Variants in MAPK10 observed in about 807,000 individuals in gnomAD.
The protein encoded by MAPK10 is mitogen-activated protein kinase 10, also known as JNK3 alpha protein kinase.
In MAPK10, 25 loss-of-function variants were observed where a neutral mutation model predicts 59.3. That is an observed-to-expected ratio of 0.42 (90% CI 0.31 to 0.59). The LOEUF is 0.59. Ranked by LOEUF, MAPK10 falls within the 20% of genes least tolerant of loss-of-function variation. MAPK10 has a pLI of 0.15. For missense variants in MAPK10, 351 were observed against 568.9 expected, an observed-to-expected ratio of 0.62 and a Z score of 3.90; for synonymous variants, 190 against 200.5, an observed-to-expected ratio of 0.95 and a Z score of 0.44.
chr4:86,332,289 C>A (rs1362214774), intron 2 of MAPK10, among the ~76,000 whole-genome samples: 1 of 152,068 alleles, frequency 6.6e-6, no homozygotes, highest in Non-Finnish European at 1.5e-5. Context: ...TGAAACTTTA[C>A]ATTTAAATGC....
intron 1 of MAPK10, among the ~76,000 whole-genome samples, chr4:86,536,459 A>G (rs1209302305): frequency 6.6e-6 from 1 of 152,254 alleles, no homozygotes; most frequent in Non-Finnish European, 1.5e-5. Context: ...CTAAGGCTTC[A>G]CTTTTTAATG....
At chr4:86,432,965 G>T (rs1451204806) in intron 1 of MAPK10, among the ~76,000 whole-genome samples, 1 of 152,152 alleles carries the variant, frequency 6.6e-6, no homozygotes, top group African/African-American at 2.4e-5. Flanking sequence ...GTGGGAGGGA[G>T]GAAGTAGAAC....
At chr4:86,411,285 G>A (rs1228622380) in intron 1 of MAPK10, among the ~76,000 whole-genome samples, 1 of 152,252 alleles carries the variant, frequency 6.6e-6, no homozygotes, top group South Asian at 2.1e-4. Context: ...TGTGATTTCT[G>A]TTCTTTTGCA....
intron 1 of MAPK10, among the ~76,000 whole-genome samples, chr4:86,477,498 C>CT (rs2149068960): frequency 6.6e-6 from 1 of 152,220 alleles, no homozygotes; most frequent in Non-Finnish European, 1.5e-5. Context: ...GATACCTCTA[C>CT]TCTCTCCTTG....
chr4:86,570,841 C>T (rs1761393471), intron 1 of MAPK10, among the ~76,000 whole-genome samples: 1 of 152,056 alleles, frequency 6.6e-6, no homozygotes, highest in African/African-American at 2.4e-5. Context: ...AGAGGAGTCA[C>T]CAAGAGGTTG....
chr4:86,248,110 G>A (rs755503198), intron 2 of MAPK10, among the ~76,000 whole-genome samples: 8 of 152,114 alleles, frequency 5.3e-5, no homozygotes, highest in Non-Finnish European at 8.8e-5. Flanking sequence ...AGCAAAAAGC[G>A]CAAAGAAGTA....
At chr4:86,279,916 T>G (rs2094732546) in intron 2 of MAPK10, among the ~76,000 whole-genome samples, 1 of 152,182 alleles carries the variant, frequency 6.6e-6, no homozygotes, top group Non-Finnish European at 1.5e-5. Context: ...AGCCATCATA[T>G]GCTCTTCCAA....
rs1043200794 is a variant in MAPK10 at position 86,107,028 on chromosome 4, G to A, written c.366+195C>T. ...AAATTCATCACTTCCACATCATATG[G>A]TTTTTAGGTGATTTTTAAGCAGAAA... On this transcript the variant is annotated intron_variant, in intron 5 of 13. Coordinates refer to ENST00000641462, the MANE Select transcript of MAPK10 (RefSeq NM_138982.4). The A allele has an allele frequency of 6.3e-5, 26 of 414,142 alleles. 1 individual carries two copies. In the East Asian group the frequency reaches 1.0e-3, roughly 17 times the overall value. 25.7% of individuals were successfully genotyped at this position (414,142 alleles called of 1,614,324 possible). A position where few individuals can be genotyped will look rare whatever the true frequency, so the allele number is the denominator to read the frequency against.
intron 13 of MAPK10, among the ~76,000 whole-genome samples, chr4:86,022,806 G>C (rs1040527378): frequency 6.6e-6 from 1 of 152,176 alleles, no homozygotes; most frequent in Non-Finnish European, 1.5e-5. Context: ...ACTGTGACAG[G>C]CCTGTAAGAG....
intron 1 of MAPK10, among the ~76,000 whole-genome samples, chr4:86,438,645 G>A (rs190123500): frequency 2.0e-5 from 3 of 150,366 alleles, no homozygotes; most frequent in East Asian, 2.0e-4. Context: ...AGCTGAGATC[G>A]TGTCTTTGCA....
chr4:86,291,844 G>T (rs2095237842), intron 2 of MAPK10, among the ~76,000 whole-genome samples: 1 of 152,062 alleles, frequency 6.6e-6, no homozygotes, highest in African/African-American at 2.4e-5. Flanking sequence ...TACAATATTT[G>T]GGAGTCAAGT....
intron 8 of MAPK10, 45 bp from the exon 9 acceptor site, chr4:86,098,640 A>C: frequency 7.2e-7 from 1 of 1,389,280 alleles, no homozygotes; most frequent in South Asian, 1.2e-5. Flanking sequence ...GAGGAAAGTA[A>C]AGTTAACTAA....
chr4:86,097,649 G>T (rs893496864), intron 9 of MAPK10, among the ~76,000 whole-genome samples: 11 of 151,896 alleles, frequency 7.2e-5, no homozygotes, highest in Admixed American at 4.6e-4. Flanking sequence ...TTGTAGTAAG[G>T]TATTTTTGTA....
In MAPK10 at chr4:86,394,820, C is replaced by G. The variant is rs573903567; in HGVS notation, c.-121-40176G>C. Among the ~76,000 whole-genome samples, 10 of 152,256 alleles carry G rather than the reference C, an allele frequency of 6.6e-5. No homozygotes were observed. The East Asian group carries it at 1.9e-3, about 29-fold the overall frequency. On this transcript the variant is annotated intron_variant, in intron 1 of 13. Transcript: ENST00000361569. ...AGCAAATCTTGGCTCATATAGGGAA[C>G]AATGTTTGCACTATGCTCGGGGATA...
chr4:86,025,692 G>A (rs1348386956), intron 13 of MAPK10: 1 of 387,838 alleles, frequency 2.6e-6, no homozygotes, highest in African/African-American at 2.1e-5. Flanking sequence ...AATGTCAATA[G>A]GGTTGCAAAT....
intron 1 of MAPK10, among the ~76,000 whole-genome samples, chr4:86,525,458 C>A (rs577522965): frequency 6.6e-5 from 10 of 152,082 alleles, no homozygotes; most frequent in Admixed American, 2.6e-4. Flanking sequence ...TTTTTTAACC[C>A]CACCCACACC....
chr4:86,111,466 T>C (rs1405425171), intron 4 of MAPK10, among the ~76,000 whole-genome samples: 1 of 152,226 alleles, frequency 6.6e-6, no homozygotes, highest in African/African-American at 2.4e-5. Context: ...AGGACTTTTC[T>C]GCATCTATTG....
At chr4:86,349,337 G>C (rs1729936354) in intron 2 of MAPK10, among the ~76,000 whole-genome samples, 2 of 152,060 alleles carry the variant, frequency 1.3e-5, no homozygotes, top group Non-Finnish European at 2.9e-5. Flanking sequence ...TTCTTCATGT[G>C]TCTGTCTTTG....
At chr4:86,214,535 A>AC (rs2086861506) in intron 2 of MAPK10, among the ~76,000 whole-genome samples, 1 of 149,258 alleles carries the variant, frequency 6.7e-6, no homozygotes, top group African/African-American at 2.4e-5. Flanking sequence ...AAAAAAAAAA[A>AC]CTGTTAGAAC....
Sources: gnomAD v4.1 joint callset for allele counts (sites outside exome capture counted in the v4.1 genomes callset) on GRCh38, gnomAD v4.1.1 for gene constraint, MANE v1.5 for transcripts, NCBI Gene and HGNC (gene_info 2026-07-23, HGNC 2026-07-21) for gene names.